Variants in ARHGAP35 observed in about 807,000 individuals in gnomAD.
ARHGAP35 encodes the protein rho GTPase-activating protein 35.
Under a neutral mutation model 111.1 loss-of-function variants are expected in ARHGAP35, and 15 were observed. The observed-to-expected ratio is 0.13, with a 90% CI of 0.09 to 0.21. The LOEUF is 0.21. Among genes scored for constraint, ARHGAP35 ranks in the 10% least tolerant of loss-of-function variants. ARHGAP35 has a pLI of 1.00. For synonymous variants in ARHGAP35, 643 were observed against 710.3 expected, an observed-to-expected ratio of 0.91 and a Z score of 1.51; for missense variants, 1,262 against 1,873.0, an observed-to-expected ratio of 0.67 and a Z score of 6.02.
intron 1 of ARHGAP35, among the ~76,000 whole-genome samples, chr19:46,883,261 A>ATTTTTTT (rs532740072): frequency 1.4e-5 from 2 of 144,932 alleles, no homozygotes. Context: ...TGCCTGGCTA[A>ATTTTTTT]TTTTTTTTTT....
At chr19:46,899,035 G>A (rs552889625) in intron 1 of ARHGAP35, among the ~76,000 whole-genome samples, 1 of 152,230 alleles carries the variant, frequency 6.6e-6, no homozygotes, top group Non-Finnish European at 1.5e-5. Flanking sequence ...GAAGCCAGCT[G>A]GCAAAGGAGT....
chr19:46,989,284 G>A lies in ARHGAP35; in HGVS notation c.3905-260G>A. The A allele has an allele frequency of 2.8e-6, 1 of 361,908 alleles. No homozygotes were observed. Among genetic ancestry groups the A allele is most frequent in the Non-Finnish European group, 5.2e-6 (1 of 190,486 alleles). The allele number at this position is 361,908 out of a possible 1,614,324, so 22.4% of individuals were successfully genotyped here. A position where few individuals can be genotyped will look rare whatever the true frequency, so the allele number is the denominator to read the frequency against. On this transcript the variant is annotated intron_variant, in intron 4 of 6. Transcript: ENST00000672722. The surrounding 1 kb of genome is among the most constrained non-coding windows in gnomAD (Gnocchi z 5.3). ...GGCAAGCTCCTGGCACCAAAAACCAGCATGTGGGGGTAGCACCCCTGCCCC... is the reference window on the plus strand; with the variant it reads ...GGCAAGCTCCTGGCACCAAAAACCAACATGTGGGGGTAGCACCCCTGCCCC...
At chr19:46,917,951 T>A (rs978079333) in intron 1 of ARHGAP35, among the ~76,000 whole-genome samples, 19 of 152,190 alleles carry the variant, frequency 1.2e-4, no homozygotes, top group Admixed American at 9.8e-4. Context: ...TGACCTCAGG[T>A]GATCCGCCCA....
intron 3 of ARHGAP35, chr19:46,948,146 G>A (rs1279118067): frequency 1.3e-5 from 2 of 152,270 alleles, no homozygotes; most frequent in African/African-American, 4.8e-5. Flanking sequence ...GAAGATTAGA[G>A]TCCTGCCTTG....
chr19:46,864,845 A>G (rs1339899418), intron 1 of ARHGAP35, among the ~76,000 whole-genome samples: 1 of 152,210 alleles, frequency 6.6e-6, no homozygotes, highest in African/African-American at 2.4e-5. Flanking sequence ...GTTGGTGTCA[A>G]TAGTTGTTTT....
intron 3 of ARHGAP35, among the ~76,000 whole-genome samples, chr19:46,969,223 T>G (rs2056531473): frequency 6.6e-6 from 1 of 152,216 alleles, no homozygotes; most frequent in Admixed American, 6.5e-5. Flanking sequence ...TGTGCAACTC[T>G]GAATGTGCTC....
chr19:46,971,304 G>T (rs1193002311), intron 3 of ARHGAP35, among the ~76,000 whole-genome samples: 1 of 151,918 alleles, frequency 6.6e-6, no homozygotes, highest in Non-Finnish European at 1.5e-5. Context: ...TACTCGGGAG[G>T]TGGAGGCAGG....
intron 1 of ARHGAP35, among the ~76,000 whole-genome samples, chr19:46,866,010 T>G (rs543803859): frequency 2.6e-5 from 4 of 152,096 alleles, no homozygotes; most frequent in Non-Finnish European, 5.9e-5. Flanking sequence ...CAGGTTAATT[T>G]TTGTATTTTT....
chr19:46,966,870 G>A (rs1297239428), intron 3 of ARHGAP35, among the ~76,000 whole-genome samples: 1 of 152,148 alleles, frequency 6.6e-6, no homozygotes, highest in Non-Finnish European at 1.5e-5. Flanking sequence ...TGCCCATGAG[G>A]CTGCAGGGGT....
chr19:46,940,063 C>G (rs375766623), intron 3 of ARHGAP35, among the ~76,000 whole-genome samples: 1 of 151,550 alleles, frequency 6.6e-6, no homozygotes. Context: ...GGTGAAACCC[C>G]GTCTCTACTA....
At chr19:46,982,443 C>G (rs2056625985) in intron 3 of ARHGAP35, among the ~76,000 whole-genome samples, 1 of 150,910 alleles carries the variant, frequency 6.6e-6, no homozygotes, top group South Asian at 2.1e-4. Flanking sequence ...AGCCACTGCA[C>G]TCCAGCCTGG....
At chr19:46,976,653 T>C (rs1429330151) in intron 3 of ARHGAP35, among the ~76,000 whole-genome samples, 5 of 152,218 alleles carry the variant, frequency 3.3e-5, no homozygotes, top group African/African-American at 1.2e-4. Context: ...GGCCTGAGCG[T>C]GCCAACCAGG....
rs1376691186 is a variant in ARHGAP35 at position 46,989,961 on chromosome 19, T to TGGCC, written c.4036+288_4036+291dup. Among the ~76,000 whole-genome samples, 1 of 152,240 alleles carries TGGCC rather than the reference T, an allele frequency of 6.6e-6. No individual in the cohort carries two copies. The highest frequency in any genetic ancestry group is 1.5e-5 in the Non-Finnish European group (1 of 68,040). Reference sequence around the variant, plus strand: ...GTGTCAGACTTGGCTCCTTCGCTTGTGGCCGACTTAACCTTCCCTGCCCCT... The same window carrying TGGCC: ...GTGTCAGACTTGGCTCCTTCGCTTGTGGCCGGCCGACTTAACCTTCCCTGCCCCT... On this transcript the variant is annotated intron_variant, in intron 5 of 6. Transcript: ENST00000672722. This position sits in a 1 kb window ranked among gnomAD's most constrained non-coding sequence, Gnocchi z 5.3.
intron 3 of ARHGAP35, among the ~76,000 whole-genome samples, chr19:46,958,182 G>T (rs967482975): frequency 7.9e-5 from 12 of 152,274 alleles, no homozygotes; most frequent in Admixed American, 3.3e-4. Flanking sequence ...AGGAGATCGA[G>T]ACCATCCTGG....
intron 2 of ARHGAP35, among the ~76,000 whole-genome samples, chr19:46,934,382 C>T (rs1009135858): frequency 1.3e-5 from 2 of 152,194 alleles, no homozygotes; most frequent in South Asian, 4.1e-4. Context: ...CGCCCCTCCT[C>T]CCGGAGACAC....
chr19:47,000,955 T>G lies in ARHGAP35; in HGVS notation c.*267T>G. 17 of 1,501,118 alleles carry G rather than the reference T, an allele frequency of 1.1e-5. No homozygotes were observed. The highest frequency in any genetic ancestry group is 2.6e-5 in the East Asian group (1 of 38,046). The allele number at this position is 1,501,118 out of a possible 1,614,324, so 93.0% of individuals were successfully genotyped here. A position where few individuals can be genotyped will look rare whatever the true frequency, so the allele number is the denominator to read the frequency against. On this transcript the variant is annotated 3_prime_UTR_variant, in exon 7 of 7. Coordinates refer to ENST00000672722, the MANE Select transcript of ARHGAP35 (RefSeq NM_004491.5). This position sits in a 1 kb window ranked among gnomAD's most constrained non-coding sequence, Gnocchi z 6.9. ...CAATGGCTCCAGTGCCCTCCCTCTGTTCCCTGGACCACCACCCCACGTAGC... is the reference window on the plus strand; with the variant it reads ...CAATGGCTCCAGTGCCCTCCCTCTGGTCCCTGGACCACCACCCCACGTAGC...
intron 3 of ARHGAP35, among the ~76,000 whole-genome samples, chr19:46,978,445 T>C (rs2056590766): frequency 1.3e-5 from 2 of 151,492 alleles, no homozygotes; most frequent in Non-Finnish European, 2.9e-5. Context: ...AGCGGGTGTT[T>C]TGTGTGTGTG....
chr19:46,937,351 C>T lies in ARHGAP35; in HGVS notation c.3769C>T (p.Pro1257Ser). 1 of 1,613,960 alleles carries T rather than the reference C, an allele frequency of 6.2e-7. No individual in the cohort carries two copies. The highest frequency in any genetic ancestry group is 8.5e-7 in the Non-Finnish European group (1 of 1,179,878). The change falls in exon 3 of 7, where the codon CCA becomes TCA. Residue 1257 changes from proline to serine, a missense_variant. By Grantham distance (74) the Pro-to-Ser change is moderately conservative. Coordinates refer to ENST00000672722, the MANE Select transcript of ARHGAP35 (RefSeq NM_004491.5). ...FGVPLTTVVT[P>S]EKPIPIFIER... ...GGTGCCCTTAACAACTGTCGTGACT[C>T]CAGAGAAGCCGATCCCCATTTTTAT...
intron 1 of ARHGAP35, among the ~76,000 whole-genome samples, chr19:46,913,719 AAT>A (rs1053516392): frequency 1.8e-4 from 27 of 152,304 alleles, no homozygotes; most frequent in African/African-American, 6.0e-4. Context: ...TTTCTAATGA[AAT>A]ATCTCTGTAC....
Sources: allele counts gnomAD v4.1 joint callset (sites outside exome capture counted in the v4.1 genomes callset), GRCh38; gene constraint gnomAD v4.1.1; non-coding constraint Gnocchi (gnomAD v3.1); transcripts MANE v1.5; gene names NCBI Gene and HGNC (gene_info 2026-07-23, HGNC 2026-07-21).